Variants in CTPS1 observed in about 807,000 individuals in gnomAD.
The protein encoded by CTPS1 is CTP synthetase 1.
CTPS1 carries 25 observed loss-of-function variants against 80.5 expected under a neutral mutation model. The ratio of observed to expected loss-of-function variants is 0.31; its 90% CI spans 0.23 to 0.43. The LOEUF (loss-of-function observed/expected upper bound fraction) is 0.43, where lower values mean the gene tolerates loss of function less well. Ranked by LOEUF, CTPS1 falls within the 20% of genes least tolerant of loss-of-function variation. The pLI, the probability that CTPS1 is intolerant of heterozygous loss-of-function variation, is 1.00. For synonymous variants in CTPS1, 267 were observed against 252.5 expected (o/e 1.06, Z -0.54); for missense variants, 442 against 725.7 (o/e 0.61, Z 4.49).
chr1:41,011,316 C>A (rs557813339), intron 18 of CTPS1, among the ~76,000 whole-genome samples: 1 of 152,188 alleles, frequency 6.6e-6, no homozygotes, highest in Non-Finnish European at 1.5e-5. Flanking sequence ...GGAGCTGATA[C>A]AACAAGAACT....
chr1:40,987,245 T>C (rs1642479695), intron 3 of CTPS1, 127 bp from the exon 4 acceptor site: 15 of 683,156 alleles, frequency 2.2e-5, no homozygotes, highest in Non-Finnish European at 3.4e-5. Context: ...CTCAAAAGTA[T>C]TTTTATGACC....
intron 3 of CTPS1, among the ~76,000 whole-genome samples, chr1:40,986,260 T>G (rs1199320058): frequency 6.6e-6 from 1 of 152,218 alleles, no homozygotes; most frequent in African/African-American, 2.4e-5. Flanking sequence ...AGAGAGGCCA[T>G]TTGAGCTGAG....
rs772950670 is a variant in CTPS1, at chr1:40,997,402, G to A, written c.881G>A (p.Arg294His). 63 of 1,613,174 alleles carry A rather than the reference G, an allele frequency of 3.9e-5. No individual in the cohort carries two copies. The highest frequency in any genetic ancestry group is 3.2e-5 in the Non-Finnish European group (38 of 1,179,724). The change falls in exon 9 of 19, where the codon CGC becomes CAC. Residue 294 changes from arginine to histidine, a missense_variant. Arg to His is a conservative substitution (Grantham distance 29). Coordinates refer to ENST00000650070, the MANE Select transcript of CTPS1 (RefSeq NM_001905.4). ...TGACGTTTATTTGATAGATATGATCGCTTGCTGGAGACCTGCTCTATTGCC... is the reference window on the plus strand; with the variant it reads ...TGACGTTTATTTGATAGATATGATCACTTGCTGGAGACCTGCTCTATTGCC... ...KWKEMADRYD[R>H]LLETCSIALV...
intron 1 of CTPS1, chr1:40,980,250 G>A: frequency 6.6e-6 from 1 of 152,090 alleles, no homozygotes; most frequent in Non-Finnish European, 1.5e-5. Context: ...AAGCCCGGCA[G>A]TCGCCCATCC....
rs945850398 is a variant in CTPS1, at chr1:41,002,042, C to T, written c.1095-118C>T. On this transcript the variant is annotated intron_variant, in intron 10 of 18. Transcript: ENST00000650070. ...TACATACAATTCATTGTCACAGTAG[C>T]ACAATGTATGGGGTTAATTCATGGC... is the stretch of plus-strand genomic sequence containing the variant. 8.3e-6 allele frequency: 7 copies of T among 842,854 alleles called. No homozygotes were observed. The African/African-American group carries it at 1.2e-4, about 14-fold the overall frequency. 52.2% of individuals were successfully genotyped at this position (842,854 alleles called of 1,614,324 possible). A position where few individuals can be genotyped will look rare whatever the true frequency, so the allele number is the denominator to read the frequency against.
intron 3 of CTPS1, among the ~76,000 whole-genome samples, chr1:40,985,645 T>G (rs1385693787): frequency 1.3e-5 from 2 of 152,122 alleles, no homozygotes; most frequent in African/African-American, 2.4e-5. Context: ...AAAAGTGGCT[T>G]TAATCTGAGT....
At chr1:41,003,014 C>T in intron 11 of CTPS1, 100 bp from the exon 12 acceptor site, 1 of 1,137,454 alleles carries the variant, frequency 8.8e-7, no homozygotes, top group Middle Eastern at 2.0e-4. Context: ...AATTATAATT[C>T]TCCAAATAAA....
intron 13 of CTPS1, 128 bp downstream of exon 13, chr1:41,006,222 G>A (rs1643030536): frequency 1.3e-6 from 1 of 751,112 alleles, no homozygotes. Context: ...TGAGGTTTTG[G>A]GCACTCAGAC....
chr1:40,997,655 A>G, intron 9 of CTPS1, 129 bp downstream of exon 9: 1 of 1,173,008 alleles, frequency 8.5e-7, no homozygotes, highest in Non-Finnish European at 1.2e-6. Context: ...CTTTTTAAGG[A>G]TTAAAAAGAT....
chr1:40,997,491 T>G lies in CTPS1; in HGVS notation c.970T>G (p.Ser324Ala). ...YASVIKALEH[S>A]ALAINHKLEI... Reference sequence around the variant, plus strand: ...CTCTGTCATTAAGGCTCTGGAGCATTCTGCACTGGCCATCAACCACAAATT... The same window carrying G: ...CTCTGTCATTAAGGCTCTGGAGCATGCTGCACTGGCCATCAACCACAAATT... Residue 324 changes from serine (S) to alanine (A), a missense_variant, in exon 9 of 19, where the codon TCT becomes GCT. Coordinates refer to ENST00000650070, the MANE Select transcript of CTPS1 (RefSeq NM_001905.4). 6.2e-7 allele frequency: 1 copy of G among 1,614,164 alleles called. No individual in the cohort carries two copies. The highest frequency in any genetic ancestry group is 8.5e-7 in the Non-Finnish European group (1 of 1,180,026).
Position 41,003,190 on chromosome 1 carries a change from A to T in CTPS1, c.1252+14A>T. 1.2e-6 allele frequency: 2 copies of T among 1,613,928 alleles called. No homozygotes were observed. Among genetic ancestry groups the T allele is most frequent in the Non-Finnish European group, 8.5e-7 (1 of 1,179,796 alleles). On this transcript the variant is annotated intron_variant, in intron 12 of 18. Transcript: ENST00000650070. ...TGGGATGGCAAGGTAAGCGTGCATT[A>T]AGACACTCATTCAATTCCCGCTTGT...
rs1389585751 is a variant in CTPS1, at chr1:41,011,843, G to A, written c.*195G>A. On this transcript the variant is annotated 3_prime_UTR_variant, in exon 19 of 19. Transcript: ENST00000650070. ...ACTGGCTCCTCTGTGGTGTCTGCCTGTTGCGTGACACTCTCCTTGCAGTTC... is the reference window on the plus strand; with the variant it reads ...ACTGGCTCCTCTGTGGTGTCTGCCTATTGCGTGACACTCTCCTTGCAGTTC... 1 of 152,208 alleles carries A rather than the reference G, an allele frequency of 6.6e-6. No homozygotes were observed. Among genetic ancestry groups the A allele is most frequent in the Non-Finnish European group, 1.5e-5 (1 of 68,050 alleles). The allele number at this position is 152,208 out of a possible 1,614,324, so 9.4% of individuals were successfully genotyped here.
Position 40,999,256 on chromosome 1 carries a change from A to T in CTPS1, c.1005+1730A>T, listed in dbSNP as rs142724034. Among the ~76,000 whole-genome samples the T allele has an allele frequency of 8.9e-4, 135 of 152,236 alleles. 1 individual carries two copies. Among genetic ancestry groups the T allele is most frequent in the African/African-American group, 3.1e-3 (129 of 41,532 alleles). On this transcript the variant is annotated intron_variant, in intron 9 of 18. Coordinates refer to ENST00000650070, the MANE Select transcript of CTPS1 (RefSeq NM_001905.4). ...TGTGGAGCAGTTGGAAACACTGTGG[A>T]TGGAAATTGTGAATTGGAGGCTGTC... is the stretch of plus-strand genomic sequence containing the variant.
At chr1:40,986,168 A>T (rs184345522) in intron 3 of CTPS1, among the ~76,000 whole-genome samples, 1 of 152,372 alleles carries the variant, frequency 6.6e-6, no homozygotes, top group Non-Finnish European at 1.5e-5. Flanking sequence ...GACGTCTGTC[A>T]GAAGCTGTGA....
At chr1:40,998,899 T>C (rs757757656) in intron 9 of CTPS1, among the ~76,000 whole-genome samples, 1 of 152,212 alleles carries the variant, frequency 6.6e-6, no homozygotes, top group Non-Finnish European at 1.5e-5. Context: ...TTTAAGAATT[T>C]AAATCCCATT....
chr1:40,994,752 G>T (rs1045405018), intron 7 of CTPS1, among the ~76,000 whole-genome samples: 1 of 152,158 alleles, frequency 6.6e-6, no homozygotes, highest in Admixed American at 6.5e-5. Context: ...TTCTGGCCTT[G>T]TTCTGGACTT....
In CTPS1 at chr1:41,007,094, C is replaced by CT. The variant is rs1570981352; in HGVS notation, c.1297-354dup. 1.3e-5 allele frequency among the ~76,000 whole-genome samples: 2 copies of CT among 152,308 alleles called. No homozygotes were observed. The highest frequency in any genetic ancestry group is 2.1e-4 in the South Asian group (1 of 4,822). On this transcript the variant is annotated intron_variant, in intron 13 of 18. Transcript: ENST00000650070. This position sits in a 1 kb window ranked among gnomAD's most constrained non-coding sequence, Gnocchi z 4.4. ...TGCCTTTGAGCAGTCATCAGGCTAG[C>CT]TGGGGCGATGACAGACATGTTATGA...
At chr1:40,997,671 G>T (rs917623161) in intron 9 of CTPS1, 145 bp downstream of exon 9, 2 of 1,062,636 alleles carry the variant, frequency 1.9e-6, no homozygotes, top group Non-Finnish European at 2.6e-6. Context: ...AAGATTTGTG[G>T]TTGCTTCGTG....
chr1:41,002,848 GA>G (rs1172731546), intron 11 of CTPS1, among the ~76,000 whole-genome samples: 2 of 152,000 alleles, frequency 1.3e-5, no homozygotes, highest in Non-Finnish European at 2.9e-5. Context: ...TGTCTGGGGG[GA>G]AAAAAGTACT....
Sources: gnomAD v4.1 joint callset for allele counts (sites outside exome capture counted in the v4.1 genomes callset) on GRCh38, gnomAD v4.1.1 for gene constraint, Gnocchi (gnomAD v3.1) non-coding constraint, MANE v1.5 for transcripts, NCBI Gene and HGNC (gene_info 2026-07-23, HGNC 2026-07-21) for gene names.